ARMC2: variants seen among roughly 807,000 people sequenced by gnomAD.
ARMC2 encodes the protein armadillo repeat-containing protein 2.
ARMC2 carries 67 observed loss-of-function variants against 90.3 expected under a neutral mutation model. That is an observed-to-expected ratio of 0.74 (90% CI 0.61 to 0.91). ARMC2 has a LOEUF of 0.91. Ranked by LOEUF, ARMC2 falls within the 40% of genes least tolerant of loss-of-function variation. The pLI is 0.00. For missense variants in ARMC2, 920 were observed against 1,030.9 expected, an observed-to-expected ratio of 0.89 and a Z score of 1.47; for synonymous variants, 393 against 393.0, an observed-to-expected ratio of 1.00 and a Z score of 0.00.
At chr6:108,961,460 GGA>G in intron 13 of ARMC2, 110 bp from the exon 14 acceptor site, 1 of 1,212,742 alleles carries the variant, frequency 8.2e-7, no homozygotes, top group South Asian at 1.6e-5. Flanking sequence ...GCCTTTGTAG[GGA>G]CCCTGCGTGA....
At chr6:109,022,695 T>C in the ARMC2 span, among the ~76,000 whole-genome samples, 1 of 152,084 alleles carries the variant, frequency 6.6e-6, no homozygotes. Flanking sequence ...ATTACAGACA[T>C]GAAACACCAT....
chr6:108,925,742 A>G (rs888949332), intron 10 of ARMC2, among the ~76,000 whole-genome samples: 1 of 152,170 alleles, frequency 6.6e-6, no homozygotes, highest in African/African-American at 2.4e-5. Flanking sequence ...ATTGCTGTGT[A>G]TTTTTCAAAT....
At chr6:109,013,749 T>TA in the ARMC2 span, among the ~76,000 whole-genome samples, 1 of 152,222 alleles carries the variant, frequency 6.6e-6, no homozygotes, top group Non-Finnish European at 1.5e-5. Flanking sequence ...TGGGATTTGT[T>TA]ACATTTATGT....
At chr6:108,848,856 C>T (rs1773708696) in intron 1 of ARMC2, 1 of 152,268 alleles carries the variant, frequency 6.6e-6, no homozygotes, top group Non-Finnish European at 1.5e-5. Context: ...AGGGACCCTT[C>T]CTGCCGTCGT....
chr6:108,907,874 T>G, intron 8 of ARMC2: 2 of 1,609,102 alleles, frequency 1.2e-6, no homozygotes, highest in Non-Finnish European at 1.7e-6. Flanking sequence ...TGACGCTATC[T>G]TAGAGTCCTG....
At chr6:108,851,359 T>C (rs1773995039) in intron 1 of ARMC2, among the ~76,000 whole-genome samples, 1 of 152,360 alleles carries the variant, frequency 6.6e-6, no homozygotes, top group Admixed American at 6.5e-5. Context: ...AAATCTCTTC[T>C]TCCTTTGTGA....
chr6:108,860,371 G>A (rs977049633), intron 3 of ARMC2, among the ~76,000 whole-genome samples: 2 of 151,918 alleles, frequency 1.3e-5, no homozygotes, highest in African/African-American at 4.8e-5. Flanking sequence ...CTGTTCTTAA[G>A]AGTAGTGGCA....
rs201079109 is a variant in ARMC2, at chr6:108,899,793, G to T, written c.847+1G>T. 2 of 1,601,256 alleles carry T rather than the reference G, an allele frequency of 1.2e-6. No homozygotes were observed. The highest frequency in any genetic ancestry group is 1.1e-5 in the South Asian group (1 of 88,272). ...CCGATTTTGCGTGAATTAGAAAAGG[G>T]TAAAACACAAACAAACAAACAAAAA... On this transcript the variant is annotated splice_donor_variant, in intron 7 of 17. Coordinates refer to ENST00000392644, the MANE Select transcript of ARMC2 (RefSeq NM_032131.6). LOFTEE classifies it high-confidence loss of function.
the ARMC2 span, chr6:109,008,652 T>A: frequency 2.8e-6 from 1 of 363,068 alleles, no homozygotes. Context: ...AATCCAAATT[T>A]AAGGTTCGAG....
chr6:108,907,600 G>A (rs1159563918), intron 8 of ARMC2: 15 of 1,551,550 alleles, frequency 9.7e-6, no homozygotes, highest in African/African-American at 2.7e-5. Flanking sequence ...GGTGCAGAGC[G>A]TGTCCTCTTC....
intron 13 of ARMC2, among the ~76,000 whole-genome samples, chr6:108,955,374 C>T (rs1265404111): frequency 2.0e-5 from 3 of 152,170 alleles, no homozygotes; most frequent in African/African-American, 7.2e-5. Context: ...CAAGGCCGTG[C>T]TTCATTATGG....
chr6:108,951,711 C>T (rs750778978), intron 12 of ARMC2, among the ~76,000 whole-genome samples: 4 of 152,258 alleles, frequency 2.6e-5, no homozygotes, highest in East Asian at 3.9e-4. Flanking sequence ...ACGCCCCTCA[C>T]GGGGCCCCTG....
At chr6:108,866,016 TAAA>T (rs910550188) in intron 3 of ARMC2, among the ~76,000 whole-genome samples, 77 of 118,594 alleles carry the variant, frequency 6.5e-4, no homozygotes, top group South Asian at 2.9e-3. Flanking sequence ...GACCCTGTCT[TAAA>T]AAAAAAAAAA....
At chr6:109,012,836 C>T in the ARMC2 span, among the ~76,000 whole-genome samples, 2 of 151,988 alleles carry the variant, frequency 1.3e-5, no homozygotes, top group African/African-American at 2.4e-5. Flanking sequence ...AGCAGTAGGC[C>T]GGGCGTGGTG....
At chr6:108,978,678 C>T (rs1279697248), downstream of ARMC2, among the ~76,000 whole-genome samples, 2 of 152,128 alleles carry the variant, frequency 1.3e-5, no homozygotes, top group Non-Finnish European at 2.9e-5. Flanking sequence ...TCTGGGTGCT[C>T]CTGTATTGAT....
At chr6:109,047,002 A>G in the ARMC2 span, among the ~76,000 whole-genome samples, 1 of 64,762 alleles carries the variant, frequency 1.5e-5, no homozygotes, top group South Asian at 8.6e-4. Flanking sequence ...GGGGGGGGTC[A>G]GCCCCCTGCC....
the ARMC2 span, chr6:109,009,351 C>T: frequency 6.3e-5 from 92 of 1,470,538 alleles, no homozygotes; most frequent in Admixed American, 5.2e-4. Context: ...AGCCCCTCGC[C>T]CAGGTACCTC....
intron 3 of ARMC2, among the ~76,000 whole-genome samples, chr6:108,867,984 C>T (rs1186483153): frequency 6.6e-6 from 1 of 151,758 alleles, no homozygotes; most frequent in Non-Finnish European, 1.5e-5. Context: ...TTCATAAGTC[C>T]AAGACAACTT....
At chr6:109,003,160 T>G in the ARMC2 span, among the ~76,000 whole-genome samples, 4 of 151,982 alleles carry the variant, frequency 2.6e-5, no homozygotes, top group Non-Finnish European at 5.9e-5. Context: ...TAAAATAATA[T>G]ATTTCAACTT....
Sources: allele counts gnomAD v4.1 joint callset (sites outside exome capture counted in the v4.1 genomes callset), GRCh38; gene constraint gnomAD v4.1.1; transcripts MANE v1.5; gene names NCBI Gene and HGNC (gene_info 2026-07-23, HGNC 2026-07-21).